Variants in VPS13C observed in about 807,000 individuals in gnomAD.
VPS13C encodes vacuolar protein sorting 13 homolog C.
Under a neutral mutation model 456.8 loss-of-function variants are expected in VPS13C, and 358 were observed. That is an observed-to-expected ratio of 0.78 (90% CI 0.72 to 0.86). VPS13C has a LOEUF of 0.86. VPS13C is among the 40% of genes least tolerant of loss of function. VPS13C has a pLI of 0.00. For missense variants in VPS13C, 4,818 were observed against 4,385.4 expected, an observed-to-expected ratio of 1.10 and a Z score of -2.79; for synonymous variants, 1,578 against 1,486.7, an observed-to-expected ratio of 1.06 and a Z score of -1.41.
At chr15:61,864,570 C>T (rs924171640) in intron 81 of VPS13C, 58 of 956,340 alleles carry the variant, frequency 6.1e-5, no homozygotes, top group East Asian at 1.2e-4. Context: ...ATCAATATAA[C>T]CACAAGCAGA....
chr15:61,999,693 G>C (rs2046533594), intron 16 of VPS13C, among the ~76,000 whole-genome samples: 1 of 151,806 alleles, frequency 6.6e-6, no homozygotes, highest in Non-Finnish European at 1.5e-5. Context: ...AAAAAGTCAT[G>C]TTACAGAATC....
chr15:61,885,588 A>G (rs892496219), intron 67 of VPS13C, among the ~76,000 whole-genome samples: 1 of 152,166 alleles, frequency 6.6e-6, no homozygotes, highest in Non-Finnish European at 1.5e-5. Context: ...ACATGAATTA[A>G]TGAAGTTAAC....
intron 51 of VPS13C, 124 bp from the exon 52 acceptor site, chr15:61,927,444 A>C (rs976432012): frequency 7.1e-6 from 5 of 702,964 alleles, no homozygotes; most frequent in Non-Finnish European, 1.2e-5. Context: ...TGAAACTGAC[A>C]ATATTAATTG....
At chr15:61,921,102 A>G (rs1232215106) in intron 55 of VPS13C, among the ~76,000 whole-genome samples, 1 of 152,126 alleles carries the variant, frequency 6.6e-6, no homozygotes, top group Non-Finnish European at 1.5e-5. Flanking sequence ...TTAACTAGCC[A>G]TCAGATTCCA....
intron 22 of VPS13C, among the ~76,000 whole-genome samples, chr15:61,980,183 C>CAA (rs71125960): frequency 0.011 from 504 of 45,180 alleles, 9 homozygotes; most frequent in Non-Finnish European, 0.012. Context: ...GACCCCATCT[C>CAA]AAAAAAAAAA....
chr15:61,863,574 G>A, intron 81 of VPS13C, 46 bp from the exon 82 acceptor site: 1 of 1,388,298 alleles, frequency 7.2e-7, no homozygotes. Flanking sequence ...ATGCATTTAA[G>A]TAGTATTTAC....
chr15:61,880,392 T>G (rs1292551332), intron 73 of VPS13C, among the ~76,000 whole-genome samples: 1 of 152,132 alleles, frequency 6.6e-6, no homozygotes. Flanking sequence ...ATAAGGGGGT[T>G]ATTAATTCAA....
At position 61,962,476 on chromosome 15, in the gene VPS13C, A is replaced by G. The variant is rs2045240754; in HGVS notation, c.3498T>C (p.Thr1166=). ...RFNLDLYPDA[T]EGDLYTDMSK... ...ACATGTCAGTATACAAATCCCCCTC[A>G]GTAGCATCTGGATACAAATCCAAAT... Residue 1166 remains threonine, a synonymous_variant, in exon 34 of 85, where the codon ACT becomes ACC. Coordinates refer to ENST00000644861, the MANE Select transcript of VPS13C (RefSeq NM_020821.3). 14 of 1,612,188 alleles carry G rather than the reference A, an allele frequency of 8.7e-6. No homozygotes were observed. The highest frequency in any genetic ancestry group is 1.2e-5 in the Non-Finnish European group (14 of 1,178,844).
chr15:61,936,995 T>C (rs1291523065), intron 47 of VPS13C, among the ~76,000 whole-genome samples: 1 of 152,230 alleles, frequency 6.6e-6, no homozygotes, highest in Non-Finnish European at 1.5e-5. Flanking sequence ...ATGGCTTATC[T>C]GTTACTATGT....
intron 5 of VPS13C, among the ~76,000 whole-genome samples, chr15:62,029,216 A>C (rs2047732839): frequency 6.6e-6 from 1 of 152,108 alleles, no homozygotes; most frequent in African/African-American, 2.4e-5. Context: ...CACCTATATC[A>C]AATGTGACTA....
chr15:62,034,842 C>T, intron 4 of VPS13C, 115 bp downstream of exon 4: 1 of 644,410 alleles, frequency 1.6e-6, no homozygotes, highest in Non-Finnish European at 2.5e-6. Context: ...ATGTATGATT[C>T]ATTTATTTAA....
At chr15:61,907,858 G>A (rs1026808184) in intron 65 of VPS13C, among the ~76,000 whole-genome samples, 1 of 152,176 alleles carries the variant, frequency 6.6e-6, no homozygotes, top group African/African-American at 2.4e-5. Flanking sequence ...GGGCTCATGA[G>A]ATGCTCCTAC....
At chr15:62,012,998 T>A in intron 11 of VPS13C, 41 bp downstream of exon 11, 1 of 1,493,534 alleles carries the variant, frequency 6.7e-7, no homozygotes, top group Non-Finnish European at 9.2e-7. Flanking sequence ...AATTTAGGGA[T>A]GGGAGTGAAG....
At position 62,007,468 on chromosome 15, in the gene VPS13C, G is replaced by A. The variant is rs1225112411; in HGVS notation, c.1130C>T (p.Ala377Val). 1.9e-6 allele frequency: 3 copies of A among 1,574,944 alleles called. No individual in the cohort carries two copies. In the African/African-American group the frequency reaches 4.1e-5, roughly 21 times the overall value. ...ATGAACTTCAAGAACAGAATCAATT[G>A]CATATTTCCACCTGAAAATCAAATT... ...HTNGRRWWKYAIDSVLEVHIR... is the reference protein window; with the variant it reads ...HTNGRRWWKYVIDSVLEVHIR... Residue 377 changes from alanine to valine, a missense_variant, in exon 15 of 85, where the codon GCA (alanine) becomes GTA (valine). Around this residue, in one of 3 missense-constraint regions of VPS13C, gnomAD observed 4,552 missense variants for 4,130.6 expected, o/e 1.10. Transcript: ENST00000644861.
At chr15:62,059,859 T>C (rs1385283243) in intron 1 of VPS13C, among the ~76,000 whole-genome samples, 2 of 152,192 alleles carry the variant, frequency 1.3e-5, no homozygotes, top group African/African-American at 4.8e-5. Context: ...CCTCCTTTTT[T>C]CTTAGTGCCA....
chr15:61,887,561 C>T (rs916790273), intron 67 of VPS13C, among the ~76,000 whole-genome samples: 8 of 152,022 alleles, frequency 5.3e-5, no homozygotes, highest in Admixed American at 5.2e-4. Context: ...CATGGTGGCA[C>T]GTGCCTGTAG....
At chr15:61,934,078 G>A (rs1009641857) in intron 49 of VPS13C, 141 bp downstream of exon 49, 11 of 457,400 alleles carry the variant, frequency 2.4e-5, no homozygotes, top group African/African-American at 1.8e-4. Flanking sequence ...CAGGACCAAT[G>A]CACATTCTGT....
At chr15:61,905,387 T>C (rs1255282259) in intron 66 of VPS13C, among the ~76,000 whole-genome samples, 1 of 152,206 alleles carries the variant, frequency 6.6e-6, no homozygotes, top group African/African-American at 2.4e-5. Context: ...ACAGAAGTCT[T>C]GTAAAAAACT....
intron 21 of VPS13C, among the ~76,000 whole-genome samples, chr15:61,981,787 C>G (rs1484873225): frequency 6.6e-6 from 1 of 152,048 alleles, no homozygotes; most frequent in Non-Finnish European, 1.5e-5. Flanking sequence ...GGCGTGAACC[C>G]AGGAGGCGGA....
Sources: allele counts gnomAD v4.1 joint callset (sites outside exome capture counted in the v4.1 genomes callset), GRCh38; gene constraint gnomAD v4.1.1; regional missense constraint gnomAD v4.1.1; transcripts MANE v1.5; gene names NCBI Gene and HGNC (gene_info 2026-07-23, HGNC 2026-07-21).